Variants in EN2 observed in about 807,000 individuals in gnomAD.
EN2 encodes the protein engrailed homeobox 2.
Under a neutral mutation model 25.0 loss-of-function variants are expected in EN2, and 7 were observed. That is an observed-to-expected ratio of 0.28 (90% CI 0.16 to 0.53). EN2 has a LOEUF of 0.53. EN2 is among the 20% of genes least tolerant of loss of function. The pLI is 0.96. For synonymous variants in EN2, 277 were observed against 243.3 expected (o/e 1.14, Z -1.29); for missense variants, 524 against 501.8 (o/e 1.04, Z -0.42).
In EN2 at chr7:155,462,498, G is replaced by A; in HGVS notation, c.813G>A (p.Glu271=). The A allele has an allele frequency of 6.2e-7, 1 of 1,614,220 alleles. No individual in the cohort carries two copies. The highest frequency in any genetic ancestry group is 1.7e-5 in the Admixed American group (1 of 60,030). ...AEFQTNRYLT[E]QRRQSLAQEL... is the part of the protein sequence containing the mutation. Reference sequence around the variant, plus strand: ...TCCAGACCAACAGGTACCTGACGGAGCAGCGGCGCCAGAGCCTGGCGCAGG... The same window carrying A: ...TCCAGACCAACAGGTACCTGACGGAACAGCGGCGCCAGAGCCTGGCGCAGG... The change falls in exon 2 of 2, where the codon GAG becomes GAA. Residue 271 remains glutamate (E), a synonymous_variant. Transcript: ENST00000297375.
rs1052097533 is a variant in EN2, at chr7:155,463,615, C to A, written c.*928C>A. 1.4e-5 allele frequency: 2 copies of A among 142,080 alleles called. No individual in the cohort carries two copies. The highest frequency in any genetic ancestry group is 3.0e-5 in the Non-Finnish European group (2 of 66,588). The allele number at this position is 142,080 out of a possible 1,614,324, so 8.8% of individuals were successfully genotyped here. A position where few individuals can be genotyped will look rare whatever the true frequency, so the allele number is the denominator to read the frequency against. ...ACCGCAGTCCTGCCGCAGGCCTAAC[C>A]CTCCTGCCCTGGGCACTGCCTCCAT... On this transcript the variant is annotated 3_prime_UTR_variant, in exon 2 of 2. Transcript: ENST00000297375.
chr7:155,458,958 G>A lies in EN2; in HGVS notation c.581G>A (p.Ser194Asn), dbSNP rs528546284. The A allele has an allele frequency of 1.2e-5, 19 of 1,529,814 alleles. No homozygotes were observed. In the Admixed American group the frequency reaches 3.7e-4, roughly 30 times the overall value. The allele number at this position is 1,529,814 out of a possible 1,614,324, so 94.8% of individuals were successfully genotyped here. A position where few individuals can be genotyped will look rare whatever the true frequency, so the allele number is the denominator to read the frequency against. ...RGLGGGDLSVSSDSDSSQAGA... is the reference protein window; with the variant it reads ...RGLGGGDLSVNSDSDSSQAGA... Reference sequence around the variant, plus strand: ...TTGGGCGGCGGCGACCTGTCGGTGAGCTCGGACTCGGACAGCTCGCAAGCC... The same window carrying A: ...TTGGGCGGCGGCGACCTGTCGGTGAACTCGGACTCGGACAGCTCGCAAGCC... Residue 194 changes from serine to asparagine, a missense_variant, in exon 1 of 2, where the codon AGC becomes AAC. By Grantham distance (46) the Ser-to-Asn change is conservative. Transcript: ENST00000297375.
rs145531356 is a variant in EN2, at chr7:155,462,573, C to T, written c.888C>T (p.Arg296=). The change falls in exon 2 of 2, where the codon CGC becomes CGT. Residue 296 remains arginine (R), a synonymous_variant. Coordinates refer to ENST00000297375, the MANE Select transcript of EN2 (RefSeq NM_001427.4). ...TCAAGATTTGGTTCCAGAACAAGCG[C>T]GCCAAGATCAAGAAGGCCACGGGCA... ...SQIKIWFQNK[R]AKIKKATGNK... 66 of 1,613,966 alleles carry T rather than the reference C, an allele frequency of 4.1e-5. No individual in the cohort carries two copies. Among genetic ancestry groups the T allele is most frequent in the African/African-American group, 8.0e-5 (6 of 74,886 alleles).
rs1024118951 is a variant in EN2 at position 155,463,976 on chromosome 7, A to T, written c.*1289A>T. Reference sequence around the variant, plus strand: ...CCAAGATAAATATGTGTGTTTACACATATGTCTGCATGCATGTGAACACAC... The same window carrying T: ...CCAAGATAAATATGTGTGTTTACACTTATGTCTGCATGCATGTGAACACAC... On this transcript the variant is annotated 3_prime_UTR_variant, in exon 2 of 2. Coordinates refer to ENST00000297375, the MANE Select transcript of EN2 (RefSeq NM_001427.4). The T allele has an allele frequency of 2.7e-5, 4 of 147,934 alleles. No homozygotes were observed. Among genetic ancestry groups the T allele is most frequent in the African/African-American group, 1.0e-4 (4 of 39,428 alleles). 9.2% of individuals were successfully genotyped at this position (147,934 alleles called of 1,614,324 possible).
rs552933923 is a variant in EN2 at position 155,464,585 on chromosome 7, T to C, written c.*1898T>C. The C allele has an allele frequency of 1.3e-5, 2 of 152,800 alleles. No individual in the cohort carries two copies. The highest frequency in any genetic ancestry group is 4.8e-5 in the African/African-American group (2 of 41,598). 9.5% of individuals were successfully genotyped at this position (152,800 alleles called of 1,614,324 possible). A position where few individuals can be genotyped will look rare whatever the true frequency, so the allele number is the denominator to read the frequency against. ...CTGCTGCTTAGGAAACTCAATGAAA[T>C]GACATGCCTTTTTAGCAGGAAGCAA... On this transcript the variant is annotated 3_prime_UTR_variant, in exon 2 of 2. Coordinates refer to ENST00000297375, the MANE Select transcript of EN2 (RefSeq NM_001427.4).
chr7:155,460,563 T>A (rs568668235), intron 1 of EN2, among the ~76,000 whole-genome samples: 82 of 152,310 alleles, frequency 5.4e-4, no homozygotes, highest in African/African-American at 1.9e-3. Context: ...ATGGTGTCCT[T>A]TTGCGGGCTG....
chr7:155,460,913 C>T (rs1457760376), intron 1 of EN2, among the ~76,000 whole-genome samples: 3 of 152,178 alleles, frequency 2.0e-5, no homozygotes, highest in Non-Finnish European at 4.4e-5. Context: ...TTAAAAGCTG[C>T]CCTTGGTGCT....
In EN2 at chr7:155,464,793, G is replaced by T. The variant is rs1056209050; in HGVS notation, c.*2106G>T. ...TTTTTGTGTGTTGAAATTCTTGAAG[G>T]TTACATTAAATAAAACAAAATCTCT... On this transcript the variant is annotated 3_prime_UTR_variant, in exon 2 of 2. Coordinates refer to ENST00000297375, the MANE Select transcript of EN2 (RefSeq NM_001427.4). The T allele has an allele frequency of 2.0e-5, 3 of 152,264 alleles. No individual in the cohort carries two copies. Among genetic ancestry groups the T allele is most frequent in the Admixed American group, 6.5e-5 (1 of 15,268 alleles). 9.4% of individuals were successfully genotyped at this position (152,264 alleles called of 1,614,324 possible). A position where few individuals can be genotyped will look rare whatever the true frequency, so the allele number is the denominator to read the frequency against.
rs1795663049 is a variant in EN2, at chr7:155,458,944, C to T, written c.567C>T (p.Gly189=). The part of the protein sequence containing the change: ...GSLKARGLGG[G]DLSVSSDSDS... Reference sequence around the variant, plus strand: ...TCAAGGCCCGCGGCTTGGGCGGCGGCGACCTGTCGGTGAGCTCGGACTCGG... The same window carrying T: ...TCAAGGCCCGCGGCTTGGGCGGCGGTGACCTGTCGGTGAGCTCGGACTCGG... The change falls in exon 1 of 2, where the codon GGC becomes GGT. Residue 189 remains glycine (G), a synonymous_variant. Coordinates refer to ENST00000297375, the MANE Select transcript of EN2 (RefSeq NM_001427.4). 2.6e-6 allele frequency: 4 copies of T among 1,521,090 alleles called. No homozygotes were observed. Among genetic ancestry groups the T allele is most frequent in the East Asian group, 2.6e-5 (1 of 38,354 alleles). 94.2% of individuals were successfully genotyped at this position (1,521,090 alleles called of 1,614,324 possible).
Position 155,459,413 on chromosome 7 carries a change from A to C in EN2, c.685+351A>C, listed in dbSNP as rs373860245. ...CCCTAGCCCATGTCTCCCCCACTGT[A>C]GTTTTTTTTGGTGGGAACGTGGTGG... On this transcript the variant is annotated intron_variant, in intron 1 of 1. Coordinates refer to ENST00000297375, the MANE Select transcript of EN2 (RefSeq NM_001427.4). 3.3e-5 allele frequency among the ~76,000 whole-genome samples: 5 copies of C among 151,586 alleles called. No homozygotes were observed. The East Asian group carries it at 9.7e-4, about 29-fold the overall frequency.
intron 1 of EN2, among the ~76,000 whole-genome samples, chr7:155,459,292 A>AG (rs1795668413): frequency 6.6e-6 from 1 of 152,196 alleles, no homozygotes; most frequent in African/African-American, 2.4e-5. Context: ...GGACCGCAGA[A>AG]GGGACCTTCT....
At chr7:155,460,520 AATT>A (rs1310178052) in intron 1 of EN2, among the ~76,000 whole-genome samples, 2 of 152,220 alleles carry the variant, frequency 1.3e-5, no homozygotes, top group Admixed American at 6.5e-5. Context: ...AAAACCTAAA[AATT>A]ATTATTTTAG....
intron 1 of EN2, among the ~76,000 whole-genome samples, chr7:155,461,741 A>C (rs1241320233): frequency 6.6e-6 from 1 of 152,192 alleles, no homozygotes; most frequent in Non-Finnish European, 1.5e-5. Context: ...AGGGAAGTAC[A>C]TGCACTGACT....
Sources: allele counts gnomAD v4.1 joint callset (sites outside exome capture counted in the v4.1 genomes callset), GRCh38; gene constraint gnomAD v4.1.1; transcripts MANE v1.5; gene names NCBI Gene and HGNC (gene_info 2026-07-23, HGNC 2026-07-21).